ABCC3: variants seen among roughly 807,000 people sequenced by gnomAD.
The protein encoded by ABCC3 is ATP binding cassette subfamily C member 3.
ABCC3 carries 121 observed loss-of-function variants against 165.3 expected under a neutral mutation model. The observed-to-expected ratio is 0.73, with a 90% CI of 0.63 to 0.85. ABCC3 has a LOEUF of 0.85. Among genes scored for constraint, ABCC3 ranks in the 40% least tolerant of loss-of-function variants. ABCC3 has a pLI of 0.00. For missense variants in ABCC3, 1,869 were observed against 1,964.1 expected (o/e 0.95, Z 0.92); for synonymous variants, 733 against 810.1 (o/e 0.90, Z 1.62).
chr17:50,668,650 C>A (rs1967577361), intron 14 of ABCC3, 133 bp downstream of exon 14: 5 of 797,438 alleles, frequency 6.3e-6, no homozygotes, highest in Middle Eastern at 2.3e-4. Context: ...ACTCTGACCT[C>A]CTCCCTCTTC....
chr17:50,682,729 A>G lies in ABCC3; in HGVS notation c.3808-881A>G, dbSNP rs1486209178. ...ACTCATCACTTCTTGCGTTGTATAG[A>G]TTTGCTTATCTGTTGATTATATGCC... On this transcript the variant is annotated intron_variant, in intron 26 of 30. Transcript: ENST00000285238. Among the ~76,000 whole-genome samples, 4 of 152,188 alleles carry G rather than the reference A, an allele frequency of 2.6e-5. No homozygotes were observed. In the East Asian group the frequency reaches 5.8e-4, roughly 22 times the overall value.
chr17:50,673,714 TG>T (rs1967701125), intron 19 of ABCC3, 56 bp downstream of exon 19: 1 of 1,568,268 alleles, frequency 6.4e-7, no homozygotes. Flanking sequence ...TCCCCCTGTC[TG>T]GGGTCTCTGA....
At position 50,679,736 on chromosome 17, in the gene ABCC3, C is replaced by T. The variant is rs11568594; in HGVS notation, c.3706-62C>T. 619 of 1,507,536 alleles carry T rather than the reference C, an allele frequency of 4.1e-4. 1 individual carries two copies. In the African/African-American group the frequency reaches 7.8e-3, roughly 19 times the overall value. 93.4% of individuals were successfully genotyped at this position (1,507,536 alleles called of 1,614,324 possible). A position where few individuals can be genotyped will look rare whatever the true frequency, so the allele number is the denominator to read the frequency against. ...ACATGATCCAGGAGTCTGAACTCCT[C>T]CCAAAGCCATTACGGTGGGGAGGGG... On this transcript the variant is annotated intron_variant, in intron 25 of 30. Transcript: ENST00000285238.
chr17:50,687,732 TG>T lies in ABCC3; in HGVS notation c.4475+5del. On this transcript the variant is annotated splice_donor_region_variant and intron_variant, in intron 30 of 30. Coordinates refer to ENST00000285238, the MANE Select transcript of ABCC3 (RefSeq NM_003786.4). ...TAACACTATCATGGACTACACCAGG[TG>T]GGACACGGAAACCTGAGCAATGGGG... 1.9e-6 allele frequency: 3 copies of T among 1,610,928 alleles called. No individual in the cohort carries two copies. In the South Asian group the frequency reaches 3.3e-5, roughly 18 times the overall value.
At chr17:50,648,765 C>A (rs1967053246) in intron 1 of ABCC3, among the ~76,000 whole-genome samples, 1 of 152,162 alleles carries the variant, frequency 6.6e-6, no homozygotes, top group South Asian at 2.1e-4. Context: ...CCCCAACACA[C>A]AGAGCAGCCA....
At chr17:50,640,182 G>C (rs1004703865) in intron 1 of ABCC3, among the ~76,000 whole-genome samples, 3 of 152,218 alleles carry the variant, frequency 2.0e-5, no homozygotes, top group Non-Finnish European at 4.4e-5. Context: ...ATTGCAAAAA[G>C]CAGGTGATAT....
In ABCC3 at chr17:50,680,860, A is replaced by T. The variant is rs952873025; in HGVS notation, c.3807+961A>T. On this transcript the variant is annotated intron_variant, in intron 26 of 30. Coordinates refer to ENST00000285238, the MANE Select transcript of ABCC3 (RefSeq NM_003786.4). ...GAGGCCAAGGTGGGTGGATCTCTTGAGGTCGGGAGTTCAAAACCAGCCTGG... is the reference window on the plus strand; with the variant it reads ...GAGGCCAAGGTGGGTGGATCTCTTGTGGTCGGGAGTTCAAAACCAGCCTGG... Among the ~76,000 whole-genome samples, 25 of 152,166 alleles carry T rather than the reference A, an allele frequency of 1.6e-4. 1 individual carries two copies. Among genetic ancestry groups the T allele is most frequent in the Admixed American group, 1.6e-3 (24 of 15,280 alleles).
At position 50,684,862 on chromosome 17, in the gene ABCC3, G is replaced by A. The variant is rs148982238; in HGVS notation, c.4267G>A (p.Gly1423Arg). ...CCTGGACTTCCAGTGCTCAGAGGGCGGGGAGAATCTCAGGTAAACACTGGG... is the reference window on the plus strand; with the variant it reads ...CCTGGACTTCCAGTGCTCAGAGGGCAGGGAGAATCTCAGGTAAACACTGGG... ...AGLDFQCSEG[G>R]ENLSVGQRQL... is the part of the protein sequence containing the mutation. The change falls in exon 29 of 31, where the codon GGG becomes AGG. Residue 1423 changes from glycine (G) to arginine (R), a missense_variant. Coordinates refer to ENST00000285238, the MANE Select transcript of ABCC3 (RefSeq NM_003786.4). 3,628 of 1,614,018 alleles carry A rather than the reference G, an allele frequency of 2.2e-3. 4 individuals carry two copies. The highest frequency in any genetic ancestry group is 2.8e-3 in the Non-Finnish European group (3,247 of 1,180,002).
chr17:50,644,967 G>A (rs563554618), intron 1 of ABCC3, among the ~76,000 whole-genome samples: 41 of 152,060 alleles, frequency 2.7e-4, no homozygotes, highest in African/African-American at 9.9e-4. Context: ...GCAGTGAGCC[G>A]AGATCACGCC....
chr17:50,666,106 C>T (rs1967522304), intron 11 of ABCC3, among the ~76,000 whole-genome samples: 1 of 152,174 alleles, frequency 6.6e-6, no homozygotes, highest in Non-Finnish European at 1.5e-5. Flanking sequence ...ATACTATTCC[C>T]TCTGCCTGGA....
In ABCC3 at chr17:50,678,275, G is replaced by A; in HGVS notation, c.3705+56G>A. 13 of 1,498,998 alleles carry A rather than the reference G, an allele frequency of 8.7e-6. No individual in the cohort carries two copies. The South Asian group carries it at 1.5e-4, about 18-fold the overall frequency. 92.9% of individuals were successfully genotyped at this position (1,498,998 alleles called of 1,614,324 possible). ...CACCACTGGGACAGAAACCACACAG[G>A]TGTTCCAGGCATCTCCCGAGTGCCC... is the stretch of plus-strand genomic sequence containing the variant. On this transcript the variant is annotated intron_variant, in intron 25 of 30. Transcript: ENST00000285238.
intron 26 of ABCC3, among the ~76,000 whole-genome samples, chr17:50,680,754 T>C (rs1967913412): frequency 6.6e-6 from 1 of 152,096 alleles, no homozygotes; most frequent in Non-Finnish European, 1.5e-5. Flanking sequence ...CCAATCTGCC[T>C]TCTTCATGCC....
rs1215244518 is a variant in ABCC3 at position 50,691,135 on chromosome 17, C to G, written c.4519C>G (p.Pro1507Ala). ...AGGAGTAGTAGCTGAATTTGATTCT[C>G]CAGCCAACCTCATTGCAGCTAGAGG... ...DKGVVAEFDS[P>A]ANLIAARGIF... is the part of the protein sequence containing the mutation. Residue 1507 changes from proline (P) to alanine (A), a missense_variant, in exon 31 of 31, where the codon CCA (proline) becomes GCA (alanine). By Grantham distance (27) the Pro-to-Ala change is conservative. Transcript: ENST00000285238. 6.2e-7 allele frequency: 1 copy of G among 1,614,162 alleles called. No homozygotes were observed. The highest frequency in any genetic ancestry group is 1.7e-5 in the Admixed American group (1 of 60,026).
At chr17:50,673,972 C>CTT (rs1567835532) in intron 19 of ABCC3, among the ~76,000 whole-genome samples, 2 of 15,024 alleles carry the variant, frequency 1.3e-4, no homozygotes, top group African/African-American at 2.9e-4. Context: ...TTCTTTCTTT[C>CTT]TTTCTTTCTC....
chr17:50,636,637 G>A (rs1307365777), intron 1 of ABCC3, among the ~76,000 whole-genome samples: 2 of 152,218 alleles, frequency 1.3e-5, no homozygotes, highest in Non-Finnish European at 2.9e-5. Context: ...ATGCCAAACA[G>A]AAAATCAAGA....
intron 11 of ABCC3, among the ~76,000 whole-genome samples, chr17:50,665,759 C>T (rs1967512347): frequency 6.6e-6 from 1 of 151,472 alleles, no homozygotes; most frequent in Non-Finnish European, 1.5e-5. Context: ...GCACATGCCA[C>T]CACACCCGGC....
At chr17:50,640,414 G>C (rs530633550) in intron 1 of ABCC3, among the ~76,000 whole-genome samples, 3 of 152,346 alleles carry the variant, frequency 2.0e-5, no homozygotes, top group African/African-American at 7.2e-5. Context: ...GGAGCTCAGT[G>C]AACCAAAGCC....
intron 1 of ABCC3, among the ~76,000 whole-genome samples, chr17:50,637,168 C>A (rs796070974): frequency 2.0e-5 from 3 of 152,154 alleles, no homozygotes; most frequent in Non-Finnish European, 2.9e-5. Context: ...TGACCACCCC[C>A]CTTCCCACCC....
Position 50,677,840 on chromosome 17 carries a change from A to G in ABCC3, c.3475A>G (p.Ser1159Gly). The G allele has an allele frequency of 6.2e-7, 1 of 1,614,150 alleles. No individual in the cohort carries two copies. The highest frequency in any genetic ancestry group is 8.5e-7 in the Non-Finnish European group (1 of 1,180,026). Residue 1159 changes from serine (S) to glycine (G), a missense_variant, in exon 24 of 31, where the codon AGT becomes GGT. Physicochemically the swap from Ser to Gly is moderately conservative, Grantham distance 56. Coordinates refer to ENST00000285238, the MANE Select transcript of ABCC3 (RefSeq NM_003786.4). ...SHFSETVTGA[S>G]VIRAYNRSRD... is the part of the protein sequence containing the mutation. The stretch of plus-strand genomic sequence containing the variant: ...CTTTTCGGAGACAGTGACTGGTGCC[A>G]GTGTCATCCGGGCCTACAACCGCAG...
Sources: gnomAD v4.1 joint callset for allele counts (sites outside exome capture counted in the v4.1 genomes callset) on GRCh38, gnomAD v4.1.1 for gene constraint, MANE v1.5 for transcripts, NCBI Gene and HGNC (gene_info 2026-07-23, HGNC 2026-07-21) for gene names.